Variants in HPSE2 observed in about 807,000 individuals in gnomAD.
The protein encoded by HPSE2 is inactive heparanase-2.
Under a neutral mutation model 60.5 loss-of-function variants are expected in HPSE2, and 38 were observed. The observed-to-expected ratio is 0.63, with a 90% CI of 0.48 to 0.82. The LOEUF (loss-of-function observed/expected upper bound fraction) is 0.82. Among genes scored for constraint, HPSE2 ranks in the 40% least tolerant of loss-of-function variants. HPSE2 has a pLI of 0.00. For missense variants in HPSE2, 713 were observed against 740.4 expected, an observed-to-expected ratio of 0.96 and a Z score of 0.43; for synonymous variants, 295 against 293.2, an observed-to-expected ratio of 1.01 and a Z score of -0.06.
At chr10:99,009,240 CAAAAAAAAA>C (rs56775967) in intron 3 of HPSE2, among the ~76,000 whole-genome samples, 3 of 74,422 alleles carry the variant, frequency 4.0e-5, no homozygotes, top group Admixed American at 2.1e-4. Flanking sequence ...CCAGTGTCTA[CAAAAAAAAA>C]AAAAAAAAAA....
chr10:98,759,531 T>C (rs1038376678), intron 3 of HPSE2, among the ~76,000 whole-genome samples: 1 of 152,058 alleles, frequency 6.6e-6, no homozygotes, highest in South Asian at 2.1e-4. Context: ...TATCCCAATA[T>C]CATACATTAA....
chr10:98,839,114 T>C (rs865791426), intron 3 of HPSE2, among the ~76,000 whole-genome samples: 1 of 152,234 alleles, frequency 6.6e-6, no homozygotes, highest in Non-Finnish European at 1.5e-5. Flanking sequence ...GAAAATTTAC[T>C]TCATTCATCT....
intron 3 of HPSE2, among the ~76,000 whole-genome samples, chr10:98,955,407 G>A (rs1955480616): frequency 6.6e-6 from 1 of 152,136 alleles, no homozygotes; most frequent in African/African-American, 2.4e-5. Flanking sequence ...ACCACAATGA[G>A]ATACCATTGC....
chr10:98,673,743 T>C (rs1947564973), intron 6 of HPSE2, among the ~76,000 whole-genome samples: 1 of 152,108 alleles, frequency 6.6e-6, no homozygotes, highest in African/African-American at 2.4e-5. Flanking sequence ...ATATACCTAT[T>C]AAAAAGAAGT....
intron 9 of HPSE2, among the ~76,000 whole-genome samples, chr10:98,596,541 C>T (rs1294022972): frequency 6.6e-6 from 1 of 151,390 alleles, no homozygotes; most frequent in African/African-American, 2.4e-5. Flanking sequence ...TAATAATGAA[C>T]TCCCTTAGCT....
At chr10:99,060,453 G>C (rs1171877933) in intron 3 of HPSE2, among the ~76,000 whole-genome samples, 1 of 152,090 alleles carries the variant, frequency 6.6e-6, no homozygotes, top group Non-Finnish European at 1.5e-5. Context: ...GAAGTCAGGA[G>C]GTTGGGACCA....
chr10:98,646,330 T>C (rs1166315947), intron 6 of HPSE2, among the ~76,000 whole-genome samples: 1 of 151,882 alleles, frequency 6.6e-6, no homozygotes, highest in Non-Finnish European at 1.5e-5. Context: ...TTCTTTTTTT[T>C]TTTTTAAAAA....
chr10:99,102,863 C>T (rs1249463332), intron 3 of HPSE2, among the ~76,000 whole-genome samples: 1 of 152,160 alleles, frequency 6.6e-6, no homozygotes, highest in African/African-American at 2.4e-5. Context: ...ATCATATAAA[C>T]AGAACCAAAG....
intron 9 of HPSE2, among the ~76,000 whole-genome samples, chr10:98,560,219 C>T (rs1327125887): frequency 1.3e-5 from 2 of 150,896 alleles, no homozygotes; most frequent in African/African-American, 4.9e-5. Context: ...TCTCCAAATA[C>T]CCTTGGAAGT....
chr10:98,489,237 C>T (rs962932011), intron 10 of HPSE2, among the ~76,000 whole-genome samples: 1 of 152,178 alleles, frequency 6.6e-6, no homozygotes, highest in Non-Finnish European at 1.5e-5. Context: ...CATATTTGGC[C>T]AGATGGATTT....
At chr10:99,235,011 G>A (rs945749056) in intron 1 of HPSE2, among the ~76,000 whole-genome samples, 1 of 152,070 alleles carries the variant, frequency 6.6e-6, no homozygotes, top group Non-Finnish European at 1.5e-5. Flanking sequence ...GAGAGTGGGA[G>A]AGAACTGACG....
At chr10:98,686,347 A>G (rs1297627439) in intron 6 of HPSE2, among the ~76,000 whole-genome samples, 3 of 152,208 alleles carry the variant, frequency 2.0e-5, no homozygotes, top group Admixed American at 6.5e-5. Flanking sequence ...TTGTATTTTC[A>G]TAATCATTTC....
chr10:98,540,132 T>C (rs1210814539), intron 9 of HPSE2, among the ~76,000 whole-genome samples: 1 of 152,242 alleles, frequency 6.6e-6, no homozygotes, highest in East Asian at 1.9e-4. Context: ...TCATTGTGCT[T>C]CCTGGTAACT....
intron 9 of HPSE2, among the ~76,000 whole-genome samples, chr10:98,516,053 T>C (rs1410207022): frequency 1.3e-5 from 2 of 152,232 alleles, no homozygotes; most frequent in African/African-American, 2.4e-5. Context: ...GTTCACACTA[T>C]ATGTGAATTG....
intron 11 of HPSE2, among the ~76,000 whole-genome samples, chr10:98,474,218 A>G (rs1940903650): frequency 6.6e-6 from 1 of 152,168 alleles, no homozygotes; most frequent in Admixed American, 6.5e-5. Context: ...TGAGTGTCTG[A>G]GTCGTGGTAT....
chr10:99,210,220 C>T (rs1003862544), intron 2 of HPSE2, among the ~76,000 whole-genome samples: 1 of 151,996 alleles, frequency 6.6e-6, no homozygotes, highest in Non-Finnish European at 1.5e-5. Context: ...AAGACTGAAT[C>T]GTGAAGAAAT....
the HPSE2 span, among the ~76,000 whole-genome samples, chr10:99,244,312 C>G: frequency 6.6e-6 from 1 of 151,700 alleles, no homozygotes; most frequent in Non-Finnish European, 1.5e-5. Flanking sequence ...CCACCACGCC[C>G]GGCCTACAAC....
chr10:99,164,227 T>TTATA (rs60497589), intron 2 of HPSE2, among the ~76,000 whole-genome samples: 3 of 34,044 alleles, frequency 8.8e-5, no homozygotes, highest in Non-Finnish European at 1.2e-4. Flanking sequence ...TATTCAAGCA[T>TTATA]TATATATATA....
the HPSE2 span, among the ~76,000 whole-genome samples, chr10:99,249,861 T>C: frequency 2.0e-5 from 3 of 152,040 alleles, no homozygotes; most frequent in East Asian, 3.9e-4. Context: ...AAGTGTGTAG[T>C]GGCCAGGTGT....
Sources: gnomAD v4.1 joint callset for allele counts (sites outside exome capture counted in the v4.1 genomes callset) on GRCh38, gnomAD v4.1.1 for gene constraint, MANE v1.5 for transcripts, NCBI Gene and HGNC (gene_info 2026-07-23, HGNC 2026-07-21) for gene names.